ACTL8: variants seen among roughly 807,000 people sequenced by gnomAD.
The protein encoded by ACTL8 is actin like 8, also known as actin-like protein 8.
In ACTL8, 3 loss-of-function variants were observed where a neutral mutation model predicts 9.3. The ratio of observed to expected loss-of-function variants is 0.32; its 90% CI spans 0.15 to 0.83. The LOEUF is 0.83. Ranked by LOEUF, ACTL8 falls within the 40% of genes least tolerant of loss-of-function variation. ACTL8 has a pLI of 0.57. For synonymous variants in ACTL8, 224 were observed against 205.9 expected (o/e 1.09, Z -0.75); for missense variants, 381 against 492.2 (o/e 0.77, Z 2.14).
At chr1:17,777,785 G>A (rs1316303694) in intron 1 of ACTL8, among the ~76,000 whole-genome samples, 2 of 152,170 alleles carry the variant, frequency 1.3e-5, no homozygotes, top group South Asian at 2.1e-4. Flanking sequence ...TGCAACCTCC[G>A]CCTCTGGAGT....
rs752015023 is a variant in ACTL8, at chr1:17,823,280, G to A, written c.272G>A (p.Arg91Gln). Reference protein sequence around the residue: ...LWSFVLENHRREQEVPPVIIT... With the variant: ...LWSFVLENHRQEQEVPPVIIT... ...TCATTTGTGTTGGAGAACCACAGAC[G>A]GGAGCAAGAGGTCCCCCCTGTGATC... The change falls in exon 2 of 3, where the codon CGG becomes CAG. Residue 91 changes from arginine to glutamine, a missense_variant. Physicochemically the swap from Arg to Gln is conservative, Grantham distance 43. Coordinates refer to ENST00000375406, the MANE Select transcript of ACTL8 (RefSeq NM_030812.3). This position sits in a 1 kb window ranked among gnomAD's most constrained non-coding sequence, Gnocchi z 5.3. 5 of 1,614,102 alleles carry A rather than the reference G, an allele frequency of 3.1e-6. No homozygotes were observed. Among genetic ancestry groups the A allele is most frequent in the East Asian group, 2.2e-5 (1 of 44,854 alleles).
At chr1:17,759,831 C>T (rs1204904926) in intron 1 of ACTL8, among the ~76,000 whole-genome samples, 1 of 152,078 alleles carries the variant, frequency 6.6e-6, no homozygotes, top group Non-Finnish European at 1.5e-5. Flanking sequence ...GGGTCTCTTT[C>T]AGCCCTGGGG....
At chr1:17,818,525 C>G (rs1021919892) in intron 1 of ACTL8, among the ~76,000 whole-genome samples, 2 of 152,248 alleles carry the variant, frequency 1.3e-5, no homozygotes, top group Non-Finnish European at 2.9e-5. Context: ...CCTCCACTCA[C>G]CGTGTCCTTG....
chr1:17,783,668 G>A (rs1389673942), intron 1 of ACTL8, among the ~76,000 whole-genome samples: 1 of 152,200 alleles, frequency 6.6e-6, no homozygotes, highest in African/African-American at 2.4e-5. Context: ...CTGCACGGTC[G>A]TCGGGCTGGA....
intron 1 of ACTL8, among the ~76,000 whole-genome samples, chr1:17,779,813 A>G (rs538832744): frequency 6.6e-6 from 1 of 152,288 alleles, no homozygotes; most frequent in African/African-American, 2.4e-5. Context: ...AAAATGTCTC[A>G]TGGCCCTACC....
intron 1 of ACTL8, among the ~76,000 whole-genome samples, chr1:17,804,466 G>T (rs2066343560): frequency 6.6e-6 from 1 of 152,118 alleles, no homozygotes; most frequent in Non-Finnish European, 1.5e-5. Flanking sequence ...AGGCTGACAT[G>T]GGGAAAGGGC....
chr1:17,772,384 G>A (rs1223446278), intron 1 of ACTL8, among the ~76,000 whole-genome samples: 3 of 152,140 alleles, frequency 2.0e-5, no homozygotes, highest in Non-Finnish European at 1.5e-5. Context: ...CAGGGCCTGT[G>A]AAGGTTTCTG....
intron 1 of ACTL8, among the ~76,000 whole-genome samples, chr1:17,821,595 ACTTTCT>A (rs2053660348): frequency 1.3e-5 from 2 of 151,696 alleles, no homozygotes; most frequent in Non-Finnish European, 2.9e-5. Flanking sequence ...CTATTTCTGG[ACTTTCT>A]GTTCCATGGA....
At chr1:17,785,303 G>C (rs2066188759) in intron 1 of ACTL8, among the ~76,000 whole-genome samples, 1 of 152,228 alleles carries the variant, frequency 6.6e-6, no homozygotes, top group Non-Finnish European at 1.5e-5. Context: ...GCCCACTTCA[G>C]TGTCTGGCCC....
At chr1:17,790,201 A>G (rs565147110) in intron 1 of ACTL8, among the ~76,000 whole-genome samples, 2 of 152,334 alleles carry the variant, frequency 1.3e-5, no homozygotes, top group East Asian at 3.9e-4. Flanking sequence ...TGGAGATGCC[A>G]GGAACCACAG....
At position 17,803,610 on chromosome 1, in the gene ACTL8, C is replaced by T. The variant is rs113630742; in HGVS notation, c.-24-19375C>T. On this transcript the variant is annotated intron_variant, in intron 1 of 2. Coordinates refer to ENST00000375406, the MANE Select transcript of ACTL8 (RefSeq NM_030812.3). ...CCTCTGAAAGTGCTAGGATGATAGG[C>T]GTGAGCCACTGTGCCTGGGCCTTGG... Among the ~76,000 whole-genome samples the T allele has an allele frequency of 6.3e-3, 955 of 152,300 alleles. 10 individuals are homozygous for T. Among genetic ancestry groups the T allele is most frequent in the African/African-American group, 0.022 (910 of 41,558 alleles).
At chr1:17,760,912 C>G (rs777206929) in intron 1 of ACTL8, among the ~76,000 whole-genome samples, 2 of 152,290 alleles carry the variant, frequency 1.3e-5, no homozygotes, top group South Asian at 4.1e-4. Flanking sequence ...GCTATAAAAC[C>G]GATCTGAGGA....
At chr1:17,808,218 A>G (rs2066371490) in intron 1 of ACTL8, among the ~76,000 whole-genome samples, 1 of 152,218 alleles carries the variant, frequency 6.6e-6, no homozygotes, top group African/African-American at 2.4e-5. Context: ...TTGTGTGTGC[A>G]AACATTGCAC....
chr1:17,775,298 C>T (rs533075956), intron 1 of ACTL8, among the ~76,000 whole-genome samples: 2 of 152,280 alleles, frequency 1.3e-5, no homozygotes, highest in East Asian at 3.9e-4. Flanking sequence ...CTGCAGAGGC[C>T]ACCCCATCCC....
intron 1 of ACTL8, among the ~76,000 whole-genome samples, chr1:17,756,115 G>A (rs981578251): frequency 1.3e-5 from 2 of 151,804 alleles, no homozygotes; most frequent in Admixed American, 6.5e-5. Flanking sequence ...ACTCTTCCTT[G>A]GGGGATCAAT....
intron 1 of ACTL8, among the ~76,000 whole-genome samples, chr1:17,808,708 A>G (rs565522954): frequency 6.6e-6 from 1 of 152,340 alleles, no homozygotes; most frequent in Admixed American, 6.5e-5. Flanking sequence ...CCGTGGAGGA[A>G]TGAATTCCTG....
chr1:17,783,899 G>C (rs1295706381), intron 1 of ACTL8, among the ~76,000 whole-genome samples: 1 of 152,226 alleles, frequency 6.6e-6, no homozygotes, highest in Non-Finnish European at 1.5e-5. Context: ...AGAGTCTCTA[G>C]GATGGGTCTG....
At chr1:17,790,288 CTTCTT>C (rs1253569867) in intron 1 of ACTL8, among the ~76,000 whole-genome samples, 2 of 152,246 alleles carry the variant, frequency 1.3e-5, no homozygotes, top group African/African-American at 4.8e-5. Context: ...CAGCTCTTCT[CTTCTT>C]CTCTTCACCT....
At chr1:17,820,417 G>C (rs889879093) in intron 1 of ACTL8, among the ~76,000 whole-genome samples, 2 of 151,808 alleles carry the variant, frequency 1.3e-5, no homozygotes, top group African/African-American at 4.9e-5. Flanking sequence ...GAAGGACTTT[G>C]GGTTGGTTTC....
Sources: gnomAD v4.1 joint callset for allele counts (sites outside exome capture counted in the v4.1 genomes callset) on GRCh38, gnomAD v4.1.1 for gene constraint, Gnocchi (gnomAD v3.1) non-coding constraint, MANE v1.5 for transcripts, NCBI Gene and HGNC (gene_info 2026-07-23, HGNC 2026-07-21) for gene names.